Variants in RALGAPA2 observed in about 807,000 individuals in gnomAD.
The protein encoded by RALGAPA2 is Ral GTPase activating protein catalytic subunit alpha 2.
RALGAPA2 carries 139 observed loss-of-function variants against 230.4 expected under a neutral mutation model. The ratio of observed to expected loss-of-function variants is 0.60; its 90% CI spans 0.53 to 0.69. RALGAPA2 has a LOEUF of 0.69. Among genes scored for constraint, RALGAPA2 ranks in the 30% least tolerant of loss-of-function variants. The pLI is 0.00. For synonymous variants in RALGAPA2, 847 were observed against 837.8 expected, an observed-to-expected ratio of 1.01 and a Z score of -0.19; for missense variants, 2,163 against 2,276.0, an observed-to-expected ratio of 0.95 and a Z score of 1.01.
intron 27 of RALGAPA2, among the ~76,000 whole-genome samples, chr20:20,528,672 C>T (rs2063290145): frequency 6.6e-6 from 1 of 152,174 alleles, no homozygotes; most frequent in Non-Finnish European, 1.5e-5. Context: ...GCTACCCCAC[C>T]ATAAACAAAC....
intron 38 of RALGAPA2, among the ~76,000 whole-genome samples, chr20:20,410,079 TCC>T (rs983748229): frequency 3.9e-5 from 6 of 152,192 alleles, no homozygotes; most frequent in African/African-American, 1.4e-4. Flanking sequence ...TTAGAAGAGT[TCC>T]AATGCCCACC....
At chr20:20,410,673 G>C (rs1461563758) in intron 38 of RALGAPA2, among the ~76,000 whole-genome samples, 1 of 152,226 alleles carries the variant, frequency 6.6e-6, no homozygotes, top group African/African-American at 2.4e-5. Flanking sequence ...TGTTGGCAGA[G>C]TGTATAAAAG....
At chr20:20,660,336 G>T (rs1012274227) in intron 3 of RALGAPA2, among the ~76,000 whole-genome samples, 1 of 151,916 alleles carries the variant, frequency 6.6e-6, no homozygotes, top group African/African-American at 2.4e-5. Context: ...TTTATATCGT[G>T]ATGTTTATTT....
rs1036283773 is a variant in RALGAPA2, at chr20:20,434,772, C to T, written c.5496-22624G>A. ...ACAACGTGATGAGACCCCGTCTCTA[C>T]TAACACATTAAAAACTAGATGGGTG... On this transcript the variant is annotated intron_variant, in intron 37 of 39. Coordinates refer to ENST00000202677, the MANE Select transcript of RALGAPA2 (RefSeq NM_020343.4). Among the ~76,000 whole-genome samples the T allele has an allele frequency of 2.0e-4, 30 of 152,098 alleles. 1 individual carries two copies. Among genetic ancestry groups the T allele is most frequent in the African/African-American group, 7.0e-4 (29 of 41,420 alleles).
At position 20,623,355 on chromosome 20, in the gene RALGAPA2, G is replaced by A. The variant is rs78330530; in HGVS notation, c.1234-2725C>T. ...CAAAAATAGACAAGATAGACTTTGC[G>A]CCCCTCCTCCAGAAAACCATTACTA... On this transcript the variant is annotated intron_variant, in intron 10 of 39. Transcript: ENST00000202677. 8.9e-3 allele frequency among the ~76,000 whole-genome samples: 1,346 copies of A among 152,030 alleles called. 18 individuals are homozygous for A. The highest frequency in any genetic ancestry group is 0.03 in the African/African-American group (1,236 of 41,464).
At chr20:20,492,676 C>T (rs1360944495) in intron 36 of RALGAPA2, among the ~76,000 whole-genome samples, 2 of 152,128 alleles carry the variant, frequency 1.3e-5, no homozygotes, top group African/African-American at 2.4e-5. Context: ...GTCGAGTCTG[C>T]GTGGCACCCT....
Position 20,712,541 on chromosome 20 carries a change from A to G in RALGAPA2, c.-61T>C. 1 of 1,502,768 alleles carries G rather than the reference A, an allele frequency of 6.7e-7. No homozygotes were observed. The allele number at this position is 1,502,768 out of a possible 1,614,324, so 93.1% of individuals were successfully genotyped here. ...AGTAGGCGCCTGCGCCACGCGAATC[A>G]AAGCATAGGGTCGAGGCCGGCGCGT... On this transcript the variant is annotated 5_prime_UTR_variant, in exon 1 of 40. The change abolishes the stop of an existing upstream ORF in the 5' untranslated region. Coordinates refer to ENST00000202677, the MANE Select transcript of RALGAPA2 (RefSeq NM_020343.4). This position sits in a 1 kb window ranked among gnomAD's most constrained non-coding sequence, Gnocchi z 5.5.
At chr20:20,658,321 T>C (rs150114888) in intron 3 of RALGAPA2, among the ~76,000 whole-genome samples, 225 of 152,264 alleles carry the variant, frequency 1.5e-3, no homozygotes, top group African/African-American at 5.2e-3. Context: ...TCAATAAAAA[T>C]AAAGCCCAAC....
At chr20:20,644,093 GA>G (rs2067130790) in intron 4 of RALGAPA2, among the ~76,000 whole-genome samples, 1 of 152,120 alleles carries the variant, frequency 6.6e-6, no homozygotes, top group Non-Finnish European at 1.5e-5. Context: ...ACTAGAATGA[GA>G]AAAGCTTCTC....
chr20:20,659,824 A>T (rs2067710470), intron 3 of RALGAPA2: 1 of 783,142 alleles, frequency 1.3e-6, no homozygotes, highest in Non-Finnish European at 2.1e-6. Context: ...CAAGAATCAG[A>T]GCAGCAGCAA....
intron 23 of RALGAPA2, among the ~76,000 whole-genome samples, chr20:20,547,889 A>G (rs1437701939): frequency 6.6e-6 from 1 of 152,218 alleles, no homozygotes; most frequent in Non-Finnish European, 1.5e-5. Flanking sequence ...AATGTGCACA[A>G]CATGTTACTA....
At chr20:20,693,954 G>A (rs1208004271) in intron 1 of RALGAPA2, among the ~76,000 whole-genome samples, 1 of 151,998 alleles carries the variant, frequency 6.6e-6, no homozygotes, top group African/African-American at 2.4e-5. Flanking sequence ...AAATACAAAG[G>A]TTAGCGGGAC....
At chr20:20,687,827 T>A (rs2068760227) in intron 1 of RALGAPA2, among the ~76,000 whole-genome samples, 1 of 151,846 alleles carries the variant, frequency 6.6e-6, no homozygotes, top group Non-Finnish European at 1.5e-5. Flanking sequence ...TAACACATCA[T>A]CCCCTCCATT....
rs138160044 is a variant in RALGAPA2 at position 20,630,968 on chromosome 20, A to G, written c.1006-1378T>C. Among the ~76,000 whole-genome samples, 854 of 152,258 alleles carry G rather than the reference A, an allele frequency of 5.6e-3. 4 individuals are homozygous for G. Among genetic ancestry groups the G allele is most frequent in the Non-Finnish European group, 9.5e-3 (647 of 68,016 alleles). ...AGATAGCAAATTAAAGATGACCACAAATTCTTTAACACTCCTTCCACAGAG... is the reference window on the plus strand; with the variant it reads ...AGATAGCAAATTAAAGATGACCACAGATTCTTTAACACTCCTTCCACAGAG... On this transcript the variant is annotated intron_variant, in intron 9 of 39. Coordinates refer to ENST00000202677, the MANE Select transcript of RALGAPA2 (RefSeq NM_020343.4).
chr20:20,478,457 G>C (rs2061698414), intron 36 of RALGAPA2, among the ~76,000 whole-genome samples: 1 of 151,602 alleles, frequency 6.6e-6, no homozygotes, highest in African/African-American at 2.4e-5. Context: ...ACAATAAAAA[G>C]GAGAACCAAG....
chr20:20,561,192 T>C (rs900182694), intron 23 of RALGAPA2, among the ~76,000 whole-genome samples: 4 of 152,242 alleles, frequency 2.6e-5, no homozygotes, highest in Non-Finnish European at 5.9e-5. Context: ...CTGGATTTAG[T>C]GTCTCCTGAT....
intron 1 of RALGAPA2, among the ~76,000 whole-genome samples, chr20:20,698,287 T>C (rs2069197818): frequency 6.6e-6 from 1 of 152,036 alleles, no homozygotes; most frequent in African/African-American, 2.4e-5. Context: ...TTTTTTTTTT[T>C]TGAGACAGAG....
In RALGAPA2 at chr20:20,398,219, G is replaced by A. The variant is rs1228924638; in HGVS notation, c.5618-1485C>T. Among the ~76,000 whole-genome samples, 2 of 152,144 alleles carry A rather than the reference G, an allele frequency of 1.3e-5. No individual in the cohort carries two copies. The highest frequency in any genetic ancestry group is 6.5e-5 in the Admixed American group (1 of 15,278). On this transcript the variant is annotated intron_variant, in intron 38 of 39. Transcript: ENST00000202677. The surrounding 1 kb of genome is among the most constrained non-coding windows in gnomAD (Gnocchi z 4.5). ...GAGCAAAGGGTCTCTTTATGAAGGC[G>A]CTCCTTGATCTCACTCCTCTGCAGC...
At chr20:20,670,641 TA>T (rs11478509) in intron 3 of RALGAPA2, among the ~76,000 whole-genome samples, 10,191 of 129,578 alleles carry the variant, frequency 0.079, 403 homozygotes, top group East Asian at 0.18. Flanking sequence ...ATAACCATAG[TA>T]AAAAAAAAAA....
Sources: allele counts gnomAD v4.1 joint callset (sites outside exome capture counted in the v4.1 genomes callset), GRCh38; gene constraint gnomAD v4.1.1; non-coding constraint Gnocchi (gnomAD v3.1); transcripts MANE v1.5; gene names NCBI Gene and HGNC (gene_info 2026-07-23, HGNC 2026-07-21).